Variants in ETV6 observed in about 807,000 individuals in gnomAD.
ETV6 encodes the protein ETS variant transcription factor 6, also known as transcription factor ETV6.
ETV6 carries 16 observed loss-of-function variants against 51.1 expected under a neutral mutation model. The observed-to-expected ratio is 0.31, with a 90% CI of 0.21 to 0.48. The LOEUF is 0.48. Among genes scored for constraint, ETV6 ranks in the 20% least tolerant of loss-of-function variants. The pLI, the probability that ETV6 is intolerant of heterozygous loss-of-function variation, is 0.99. For synonymous variants in ETV6, 240 were observed against 224.1 expected (o/e 1.07, Z -0.64); for missense variants, 458 against 594.8 (o/e 0.77, Z 2.39).
At chr12:11,797,400 G>A (rs1166770596) in intron 2 of ETV6, among the ~76,000 whole-genome samples, 1 of 152,188 alleles carries the variant, frequency 6.6e-6, no homozygotes, top group Admixed American at 6.5e-5. Context: ...CAGGCTGTTG[G>A]CAGTTGAGAG....
chr12:11,890,295 G>A (rs1947266968), intron 7 of ETV6, among the ~76,000 whole-genome samples: 1 of 151,354 alleles, frequency 6.6e-6, no homozygotes, highest in African/African-American at 2.4e-5. Flanking sequence ...CAGCTCTCAT[G>A]AGTCTGTAAA....
At chr12:11,883,276 C>CTTCTTCTTTTTTTTTTTTTTTTTTTTTT (rs776231778) in intron 5 of ETV6, among the ~76,000 whole-genome samples, 2 of 79,116 alleles carry the variant, frequency 2.5e-5, no homozygotes, top group Non-Finnish European at 4.3e-5. Flanking sequence ...ATGTCTTCTT[C>CTTCTTCTTTTTTTTTTTTTTTTTTTTTT]TTTTTTTTTT....
intron 1 of ETV6, among the ~76,000 whole-genome samples, chr12:11,685,603 C>T (rs1173823570): frequency 6.6e-6 from 1 of 152,068 alleles, no homozygotes; most frequent in Non-Finnish European, 1.5e-5. Context: ...AATACACACA[C>T]ACGTGTGTGT....
intron 4 of ETV6, among the ~76,000 whole-genome samples, chr12:11,864,017 GAAAT>G (rs1946756188): frequency 6.6e-6 from 1 of 152,208 alleles, no homozygotes; most frequent in African/African-American, 2.4e-5. Context: ...TATCTGTGGA[GAAAT>G]AAATAAATCA....
chr12:11,825,143 C>A (rs906724593), intron 2 of ETV6, among the ~76,000 whole-genome samples: 1 of 152,080 alleles, frequency 6.6e-6, no homozygotes, highest in Admixed American at 6.6e-5. Flanking sequence ...GAAAAAGATA[C>A]GAAGCGTGGG....
At chr12:11,662,222 G>A (rs2120649112) in intron 1 of ETV6, among the ~76,000 whole-genome samples, 2 of 152,284 alleles carry the variant, frequency 1.3e-5, no homozygotes, top group Middle Eastern at 6.8e-3. Flanking sequence ...GCCCTGCTGG[G>A]AGAGATGTGG....
intron 1 of ETV6, among the ~76,000 whole-genome samples, chr12:11,745,467 T>C (rs562140009): frequency 6.6e-6 from 1 of 152,348 alleles, no homozygotes; most frequent in Non-Finnish European, 1.5e-5. Context: ...CTTAGACTTG[T>C]CCTTCCTATA....
intron 1 of ETV6, among the ~76,000 whole-genome samples, chr12:11,745,207 G>C (rs1865885462): frequency 6.6e-6 from 1 of 152,190 alleles, no homozygotes; most frequent in Non-Finnish European, 1.5e-5. Context: ...CTTACCAGGG[G>C]AGATAAGATT....
At chr12:11,733,795 C>A (rs182928387) in intron 1 of ETV6, among the ~76,000 whole-genome samples, 4 of 152,350 alleles carry the variant, frequency 2.6e-5, no homozygotes, top group East Asian at 1.9e-4. Context: ...TTCAGCCATA[C>A]TGAAGAGTTT....
intron 3 of ETV6, among the ~76,000 whole-genome samples, chr12:11,841,809 G>A (rs1165259014): frequency 1.3e-5 from 2 of 152,124 alleles, no homozygotes; most frequent in Admixed American, 1.3e-4. Context: ...TAGGCCGGGC[G>A]CGGTGGCTCA....
intron 3 of ETV6, among the ~76,000 whole-genome samples, chr12:11,845,466 A>T (rs993557860): frequency 2.0e-5 from 3 of 152,186 alleles, no homozygotes; most frequent in African/African-American, 7.2e-5. Context: ...GTCTTACTGT[A>T]TCTGTTTTCT....
At chr12:11,842,396 C>T (rs1201477254) in intron 3 of ETV6, among the ~76,000 whole-genome samples, 1 of 132,718 alleles carries the variant, frequency 7.5e-6, no homozygotes, top group Non-Finnish European at 1.6e-5. Context: ...TGTCATGGCC[C>T]TTGACACAGA....
chr12:11,754,100 A>G (rs1944966191), intron 2 of ETV6, among the ~76,000 whole-genome samples: 1 of 152,218 alleles, frequency 6.6e-6, no homozygotes, highest in Non-Finnish European at 1.5e-5. Context: ...TGTGACCGAT[A>G]TATTCACTTC....
chr12:11,743,908 G>A (rs781187436), intron 1 of ETV6, among the ~76,000 whole-genome samples: 16 of 152,328 alleles, frequency 1.1e-4, no homozygotes, highest in Non-Finnish European at 1.8e-4. Context: ...ACTTGAGGAG[G>A]AGGCGAAGGG....
At chr12:11,822,897 A>G (rs1272474650) in intron 2 of ETV6, among the ~76,000 whole-genome samples, 4 of 152,192 alleles carry the variant, frequency 2.6e-5, no homozygotes, top group African/African-American at 4.8e-5. Flanking sequence ...ATTCAGCTTG[A>G]GTATTTCAAA....
intron 3 of ETV6, among the ~76,000 whole-genome samples, chr12:11,849,970 C>A (rs1205429943): frequency 6.6e-6 from 1 of 152,166 alleles, no homozygotes; most frequent in African/African-American, 2.4e-5. Context: ...GACGGAGCCC[C>A]TAGTTGCTGA....
At chr12:11,755,949 T>C (rs534463540) in intron 2 of ETV6, among the ~76,000 whole-genome samples, 4 of 152,286 alleles carry the variant, frequency 2.6e-5, no homozygotes, top group East Asian at 1.9e-4. Context: ...AATCAACTTA[T>C]ATTCTTGTGG....
At chr12:11,753,744 C>T (rs1866084247) in intron 2 of ETV6, among the ~76,000 whole-genome samples, 1 of 152,238 alleles carries the variant, frequency 6.6e-6, no homozygotes, top group Non-Finnish European at 1.5e-5. Context: ...CCGGCTTATG[C>T]CTTCTGCCCC....
intron 7 of ETV6, among the ~76,000 whole-genome samples, chr12:11,889,566 A>G (rs1947255902): frequency 6.6e-6 from 1 of 152,230 alleles, no homozygotes; most frequent in South Asian, 2.1e-4. Flanking sequence ...AGGAGACAGA[A>G]CACAAAGAAT....
Sources: gnomAD v4.1 joint callset for allele counts (sites outside exome capture counted in the v4.1 genomes callset) on GRCh38, gnomAD v4.1.1 for gene constraint, MANE v1.5 for transcripts, NCBI Gene and HGNC (gene_info 2026-07-23, HGNC 2026-07-21) for gene names.